GOLGA3: variants seen among roughly 807,000 people sequenced by gnomAD.
The protein encoded by GOLGA3 is golgin A3, also known as golgin subfamily A member 3.
GOLGA3 carries 75 observed loss-of-function variants against 169.4 expected under a neutral mutation model. That is an observed-to-expected ratio of 0.44 (90% CI 0.37 to 0.54). The LOEUF (loss-of-function observed/expected upper bound fraction) is 0.54. Ranked by LOEUF, GOLGA3 falls within the 20% of genes least tolerant of loss-of-function variation. The pLI is 0.00. For synonymous variants in GOLGA3, 824 were observed against 822.4 expected (o/e 1.00, Z -0.03); for missense variants, 1,899 against 1,930.0 (o/e 0.98, Z 0.30).
In GOLGA3 at chr12:132,801,747, A is replaced by C. The variant is rs1315977099; in HGVS notation, c.1800+20T>G. The C allele has an allele frequency of 6.2e-7, 1 of 1,604,420 alleles. No individual in the cohort carries two copies. The highest frequency in any genetic ancestry group is 8.5e-7 in the Non-Finnish European group (1 of 1,173,440). On this transcript the variant is annotated intron_variant, in intron 8 of 23. Transcript: ENST00000450791. The stretch of plus-strand genomic sequence containing the variant: ...AGACAAGAAGCGTGACCTGCCCTGG[A>C]AGGTAGATGTGGGCCGTACCTGGAT...
In GOLGA3 at chr12:132,807,172, G is replaced by T; in HGVS notation, c.1290+5C>A. On this transcript the variant is annotated splice_donor_5th_base_variant and intron_variant, in intron 6 of 23. Transcript: ENST00000450791. ...ACGCTGAGATGTCAGTCGAACGTCC[G>T]TTACCTGACTCGCCTCCAGTGACAA... 1 of 1,575,720 alleles carries T rather than the reference G, an allele frequency of 6.3e-7. No individual in the cohort carries two copies. The highest frequency in any genetic ancestry group is 8.7e-7 in the Non-Finnish European group (1 of 1,151,320).
At chr12:132,823,018 C>T (rs1950280309) in intron 1 of GOLGA3, among the ~76,000 whole-genome samples, 1 of 152,242 alleles carries the variant, frequency 6.6e-6, no homozygotes, top group South Asian at 2.1e-4. Flanking sequence ...GGCAGCCCCA[C>T]CCCTTCAGGT....
In GOLGA3 at chr12:132,808,190, A is replaced by C; in HGVS notation, c.879T>G (p.Thr293=). 1 of 1,613,328 alleles carries C rather than the reference A, an allele frequency of 6.2e-7. No homozygotes were observed. The highest frequency in any genetic ancestry group is 8.5e-7 in the Non-Finnish European group (1 of 1,179,422). The part of the protein sequence containing the change: ...VVSEISLSPD[T]DDRLENTSLA... ...GGGAGGTGTTCTCCAGACGGTCGTC[A>C]GTGTCGGGGGACAGGCTGATCTCAG... Residue 293 remains threonine (T), a synonymous_variant, in exon 5 of 24, where the codon ACT becomes ACG. Coordinates refer to ENST00000450791, the MANE Select transcript of GOLGA3 (RefSeq NM_001389683.1).
In GOLGA3 at chr12:132,797,830, C is replaced by T. The variant is rs1450565219; in HGVS notation, c.1938+510G>A. Among the ~76,000 whole-genome samples, 8 of 152,190 alleles carry T rather than the reference C, an allele frequency of 5.3e-5. No individual in the cohort carries two copies. The South Asian group carries it at 1.2e-3, about 24-fold the overall frequency. On this transcript the variant is annotated intron_variant, in intron 9 of 23. Transcript: ENST00000450791. ...CCTCTGGAGATGGCTGTGCAGGCAG[C>T]GGCCATGACCTCGACAGCGTGTGGT...
chr12:132,807,094 T>C, intron 6 of GOLGA3, 83 bp downstream of exon 6: 1 of 772,134 alleles, frequency 1.3e-6, no homozygotes, highest in Non-Finnish European at 2.2e-6. Context: ...CAACCACATC[T>C]GTGAAACCTC....
rs12425515 is a variant in GOLGA3 at position 132,804,574 on chromosome 12, C to T, written c.1597+142G>A. The T allele has an allele frequency of 0.12, 82,168 of 674,176 alleles. 5,962 individuals are homozygous for T. The highest frequency in any genetic ancestry group is 0.17 in the South Asian group (9,377 of 54,642). The allele number at this position is 674,176 out of a possible 1,614,324, so 41.8% of individuals were successfully genotyped here. ...GACCAGTCGAGGAAGGAGGGAGCAG[C>T]GGGGACCAGTCGAGGAAGGAGGAGG... On this transcript the variant is annotated intron_variant, in intron 7 of 23. Transcript: ENST00000450791. The surrounding 1 kb of genome is among the most constrained non-coding windows in gnomAD (Gnocchi z 4.1).
chr12:132,818,214 C>A (rs1330156201), intron 2 of GOLGA3, among the ~76,000 whole-genome samples: 1 of 151,682 alleles, frequency 6.6e-6, no homozygotes, highest in African/African-American at 2.4e-5. Flanking sequence ...ACCCTCCACA[C>A]CTCCACACTC....
At position 132,789,264 on chromosome 12, in the gene GOLGA3, G is replaced by A. The variant is rs748556445; in HGVS notation, c.2574C>T (p.Asp858=). The A allele has an allele frequency of 4.4e-6, 7 of 1,601,466 alleles. No homozygotes were observed. The East Asian group carries it at 8.9e-5, about 20-fold the overall frequency. The change falls in exon 13 of 24, where the codon GAC becomes GAT. Residue 858 remains aspartate (D), a synonymous_variant. Transcript: ENST00000450791. ...QKVMVEAYRR[D]ATSKDQLISE... ...TGATGAGCTGGTCTTTGGAGGTGGCGTCGCGCCGGTAGGCCTCCACCATCA... is the reference window on the plus strand; with the variant it reads ...TGATGAGCTGGTCTTTGGAGGTGGCATCGCGCCGGTAGGCCTCCACCATCA...
rs890660448 is a variant in GOLGA3, at chr12:132,796,387, TGCAGCA to T, written c.2100+146_2100+151del. On this transcript the variant is annotated intron_variant, in intron 10 of 23. Coordinates refer to ENST00000450791, the MANE Select transcript of GOLGA3 (RefSeq NM_001389683.1). ...AGCAGGGCAAACACAGGGTCAGGTC[TGCAGCA>T]GCAGCAGCGTCTGACCGACAGCCCA... 19 of 1,158,866 alleles carry T rather than the reference TGCAGCA, an allele frequency of 1.6e-5. 1 individual carries two copies. Among genetic ancestry groups the T allele is most frequent in the Non-Finnish European group, 2.3e-5 (19 of 834,642 alleles). 71.8% of individuals were successfully genotyped at this position (1,158,866 alleles called of 1,614,324 possible).
rs869134807 is a variant in GOLGA3, at chr12:132,776,386, C to CAG, written c.3978+247_3978+248insCT. The stretch of plus-strand genomic sequence containing the variant: ...CTGCTCCCGCCTGTACCCAGAGCCT[C>CAG]ACACAGGTACCCGCAGCAGCTGCTG... On this transcript the variant is annotated intron_variant, in intron 21 of 23. Coordinates refer to ENST00000450791, the MANE Select transcript of GOLGA3 (RefSeq NM_001389683.1). Among the ~76,000 whole-genome samples, 13 of 110,284 alleles carry CAG rather than the reference C, an allele frequency of 1.2e-4. 2 individuals carry two copies. The East Asian group carries it at 3.8e-3, about 32-fold the overall frequency. 72.4% of individuals were successfully genotyped at this position (110,284 alleles called of 152,430 possible). A position where few individuals can be genotyped will look rare whatever the true frequency, so the allele number is the denominator to read the frequency against.
In GOLGA3 at chr12:132,777,240, T is replaced by C; in HGVS notation, c.3723-150A>G. On this transcript the variant is annotated intron_variant, in intron 19 of 23. Coordinates refer to ENST00000450791, the MANE Select transcript of GOLGA3 (RefSeq NM_001389683.1). The surrounding 1 kb of genome is among the most constrained non-coding windows in gnomAD (Gnocchi z 4.7). The stretch of plus-strand genomic sequence containing the variant: ...CTGCAGCCATGCTTGGTGCCCACAG[T>C]GTGCACTCGGGCAGTCCTCACGAAG... 2 of 787,198 alleles carry C rather than the reference T, an allele frequency of 2.5e-6. No homozygotes were observed. The highest frequency in any genetic ancestry group is 4.0e-6 in the Non-Finnish European group (2 of 505,332). 48.8% of individuals were successfully genotyped at this position (787,198 alleles called of 1,614,324 possible).
chr12:132,789,128 G>T lies in GOLGA3; in HGVS notation c.2710C>A (p.Leu904Met), dbSNP rs761933605. Residue 904 changes from leucine (L) to methionine (M), a missense_variant, in exon 13 of 24, where the codon CTG becomes ATG. By Grantham distance (15) the Leu-to-Met change is conservative. Transcript: ENST00000450791. ...KRTAEAELSR[L>M]HREVAQVRQH... ...CGGACCTGGGCCACCTCTCTGTGCA[G>T]GCGCGAGAGCTCCGCCTCGGCAGTC... The T allele has an allele frequency of 6.2e-7, 1 of 1,613,332 alleles. No individual in the cohort carries two copies. The highest frequency in any genetic ancestry group is 1.3e-5 in the African/African-American group (1 of 75,072).
chr12:132,798,311 A>G (rs1187730307), intron 9 of GOLGA3, 29 bp downstream of exon 9: 6 of 1,587,468 alleles, frequency 3.8e-6, no homozygotes, highest in Non-Finnish European at 5.1e-6. Flanking sequence ...TGTTCTCCTA[A>G]GCTTCCACGG....
chr12:132,822,282 T>C lies in GOLGA3; in HGVS notation c.-154A>G, dbSNP rs1950252867. On this transcript the variant is annotated 5_prime_UTR_variant, in exon 2 of 24. Transcript: ENST00000450791. ...GAAGATCTGATGACTCACAAATGAC[T>C]TGATGTCAAACCAGCTAATATCATG... 5 of 1,384,914 alleles carry C rather than the reference T, an allele frequency of 3.6e-6. No individual in the cohort carries two copies. In the South Asian group the frequency reaches 8.1e-5, roughly 22 times the overall value. 85.8% of individuals were successfully genotyped at this position (1,384,914 alleles called of 1,614,324 possible).
chr12:132,793,038 A>T (rs1189546964), intron 11 of GOLGA3, among the ~76,000 whole-genome samples: 8 of 71,532 alleles, frequency 1.1e-4, no homozygotes, highest in South Asian at 6.3e-4. Context: ...GGCTCCACAC[A>T]GACCCACCGC....
intron 16 of GOLGA3, 178 bp downstream of exon 16, chr12:132,783,986 G>C: frequency 6.7e-7 from 1 of 1,488,858 alleles, no homozygotes; most frequent in Non-Finnish European, 8.9e-7. Context: ...CAGAGGGCTG[G>C]AATCAGGGCC....
At chr12:132,776,556 C>A (rs12316920) in intron 21 of GOLGA3, 78 bp downstream of exon 21, 13 of 162,004 alleles carry the variant, frequency 8.0e-5, no homozygotes, top group East Asian at 1.4e-3. Context: ...CACAGGTACC[C>A]GCAGCAGCTG....
chr12:132,768,968 T>TA lies in GOLGA3; in HGVS notation c.*4136dup, dbSNP rs2044775094. The TA allele has an allele frequency of 6.6e-6, 1 of 152,646 alleles. No individual in the cohort carries two copies. The highest frequency in any genetic ancestry group is 2.4e-5 in the African/African-American group (1 of 41,454). 9.5% of individuals were successfully genotyped at this position (152,646 alleles called of 1,614,324 possible). A position where few individuals can be genotyped will look rare whatever the true frequency, so the allele number is the denominator to read the frequency against. ...AATTTAAGGAATTCCCAAGCACACTTACATTTGTAAAAAATCAACGTGCTT... is the reference window on the plus strand; with the variant it reads ...AATTTAAGGAATTCCCAAGCACACTTAACATTTGTAAAAAATCAACGTGCTT... On this transcript the variant is annotated 3_prime_UTR_variant, in exon 24 of 24. Coordinates refer to ENST00000450791, the MANE Select transcript of GOLGA3 (RefSeq NM_001389683.1).
chr12:132,822,179 T>G lies in GOLGA3; in HGVS notation c.-51A>C. ...ACGCTGAGGGGCTACAAGTGAACCT[T>G]GGACAAGCTTGGCTTCTGCCATCAG... On this transcript the variant is annotated 5_prime_UTR_variant, in exon 2 of 24. Transcript: ENST00000450791. The G allele has an allele frequency of 6.4e-7, 1 of 1,560,138 alleles. No individual in the cohort carries two copies. The highest frequency in any genetic ancestry group is 8.6e-7 in the Non-Finnish European group (1 of 1,162,334).
Sources: allele counts gnomAD v4.1 joint callset (sites outside exome capture counted in the v4.1 genomes callset), GRCh38; gene constraint gnomAD v4.1.1; non-coding constraint Gnocchi (gnomAD v3.1); transcripts MANE v1.5; gene names NCBI Gene and HGNC (gene_info 2026-07-23, HGNC 2026-07-21).